NRG2: variants seen among roughly 807,000 people sequenced by gnomAD.
NRG2 encodes the protein neuregulin 2.
Under a neutral mutation model 73.9 loss-of-function variants are expected in NRG2, and 27 were observed. The ratio of observed to expected loss-of-function variants is 0.37; its 90% CI spans 0.27 to 0.50. The LOEUF (loss-of-function observed/expected upper bound fraction) is 0.50, where lower values mean the gene tolerates loss of function less well. NRG2 is among the 20% of genes least tolerant of loss of function. The probability of loss-of-function intolerance (pLI) is 0.96; values close to 1 mark genes in which losing one functional copy is unlikely to be tolerated. For synonymous variants in NRG2, 532 were observed against 541.0 expected (o/e 0.98, Z 0.23); for missense variants, 1,126 against 1,210.1 (o/e 0.93, Z 1.03).
chr5:140,043,160 C>G lies in NRG2; in HGVS notation c.-91G>C. The G allele has an allele frequency of 2.1e-6, 3 of 1,441,708 alleles. No individual in the cohort carries two copies. Among genetic ancestry groups the G allele is most frequent in the Non-Finnish European group, 2.8e-6 (3 of 1,077,214 alleles). The allele number at this position is 1,441,708 out of a possible 1,614,324, so 89.3% of individuals were successfully genotyped here. A position where few individuals can be genotyped will look rare whatever the true frequency, so the allele number is the denominator to read the frequency against. ...CGCTGGAAAACCGGAAACAGCGTAA[C>G]GTTAGCGCCTCTTAGCCCTCCACCG... On this transcript the variant is annotated 5_prime_UTR_variant, in exon 1 of 10. Transcript: ENST00000361474. The surrounding 1 kb of genome is among the most constrained non-coding windows in gnomAD (Gnocchi z 6.7).
Position 139,871,716 on chromosome 5 carries a change from C to T in NRG2, c.1112+5G>A. On this transcript the variant is annotated splice_donor_5th_base_variant and intron_variant, in intron 4 of 9. Coordinates refer to ENST00000361474, the MANE Select transcript of NRG2 (RefSeq NM_004883.3). ...CTCCCATGCCCACCCCTACTGGTCACTTACTTGCAGGAGAGCTGGTTGATG... is the reference window on the plus strand; with the variant it reads ...CTCCCATGCCCACCCCTACTGGTCATTTACTTGCAGGAGAGCTGGTTGATG... 6.2e-7 allele frequency: 1 copy of T among 1,614,016 alleles called. No homozygotes were observed.
At chr5:139,998,107 T>C (rs1735597979) in intron 1 of NRG2, among the ~76,000 whole-genome samples, 1 of 151,420 alleles carries the variant, frequency 6.6e-6, no homozygotes, top group African/African-American at 2.4e-5. Flanking sequence ...GGGGTGGGAG[T>C]GGAGGTGTGG....
intron 1 of NRG2, among the ~76,000 whole-genome samples, chr5:139,897,603 G>A (rs574816384): frequency 1.3e-5 from 2 of 152,312 alleles, no homozygotes; most frequent in African/African-American, 4.8e-5. Context: ...CACTGGGTAG[G>A]TGTTCACTGA....
chr5:139,867,801 A>AAT (rs1762574930), intron 4 of NRG2, among the ~76,000 whole-genome samples: 1 of 79,458 alleles, frequency 1.3e-5, no homozygotes, highest in Non-Finnish European at 2.6e-5. Flanking sequence ...TGTGTGTATG[A>AAT]GTGTGTGTGT....
In NRG2 at chr5:139,959,320, C is replaced by T. The variant is rs547769785; in HGVS notation, c.701-71809G>A. Reference sequence around the variant, plus strand: ...TCTCAAGCGATTCTCCTGCCTCAGCCTCCCGAGTAGCTGGGACTACAGACA... The same window carrying T: ...TCTCAAGCGATTCTCCTGCCTCAGCTTCCCGAGTAGCTGGGACTACAGACA... On this transcript the variant is annotated intron_variant, in intron 1 of 9. Coordinates refer to ENST00000361474, the MANE Select transcript of NRG2 (RefSeq NM_004883.3). Among the ~76,000 whole-genome samples the T allele has an allele frequency of 1.9e-4, 29 of 152,328 alleles. No individual in the cohort carries two copies. The East Asian group carries it at 2.1e-3, about 11-fold the overall frequency.
At chr5:139,979,003 G>A (rs762016389) in intron 1 of NRG2, among the ~76,000 whole-genome samples, 13 of 148,462 alleles carry the variant, frequency 8.8e-5, no homozygotes, top group South Asian at 6.4e-4. Flanking sequence ...ACCAAACACC[G>A]CGTGTTCTCA....
intron 1 of NRG2, among the ~76,000 whole-genome samples, chr5:139,956,527 C>T (rs1754640211): frequency 1.3e-5 from 2 of 152,140 alleles, no homozygotes; most frequent in Non-Finnish European, 2.9e-5. Context: ...CCAGCGCAGG[C>T]TTCTCGAAGG....
At chr5:139,933,029 C>T (rs1348918587) in intron 1 of NRG2, among the ~76,000 whole-genome samples, 1 of 152,298 alleles carries the variant, frequency 6.6e-6, no homozygotes, top group African/African-American at 2.4e-5. Flanking sequence ...AAGCCCAGCA[C>T]TTTGGGAGGC....
Position 139,847,951 on chromosome 5 carries a change from G to A in NRG2, c.2519C>T (p.Pro840Leu). 8.6e-6 allele frequency: 13 copies of A among 1,505,634 alleles called. No individual in the cohort carries two copies. The highest frequency in any genetic ancestry group is 1.1e-5 in the Non-Finnish European group (13 of 1,132,388). 93.3% of individuals were successfully genotyped at this position (1,505,634 alleles called of 1,614,324 possible). ...CGCCGAGTCCTGCTTGGCCCGCGGG[G>A]GCGGCCCGCGGCTGTGTCTGCTGCT... ...RASSRHSRGP[P>L]PRAKQDSAPL The change falls in exon 10 of 10, where the codon CCC becomes CTC. Residue 840 changes from proline to leucine, a missense_variant. Physicochemically the swap from Pro to Leu is moderately conservative, Grantham distance 98. Transcript: ENST00000361474.
chr5:139,924,101 A>T (rs1751873451), intron 1 of NRG2, among the ~76,000 whole-genome samples: 1 of 152,178 alleles, frequency 6.6e-6, no homozygotes, highest in Non-Finnish European at 1.5e-5. Context: ...AGGATGGATG[A>T]GTAAGGCCTG....
At chr5:139,848,736 G>T in intron 9 of NRG2, 39 bp from the exon 10 acceptor site, 1 of 1,306,468 alleles carries the variant, frequency 7.7e-7, no homozygotes, top group Non-Finnish European at 9.8e-7. Flanking sequence ...GGGCCAGGCC[G>T]GGCCGGCGCG....
At chr5:139,906,634 C>T (rs765743403) in intron 1 of NRG2, among the ~76,000 whole-genome samples, 42 of 152,172 alleles carry the variant, frequency 2.8e-4, no homozygotes, top group Admixed American at 8.5e-4. Context: ...GCTGGAGATA[C>T]GGCAGTGAGC....
At chr5:139,912,630 C>G in intron 1 of NRG2, among the ~76,000 whole-genome samples, 1 of 152,152 alleles carries the variant, frequency 6.6e-6, no homozygotes, top group East Asian at 1.9e-4. Context: ...CCAGCACTAA[C>G]CACAAAGCAA....
At chr5:140,024,897 A>G (rs1460032315) in intron 1 of NRG2, among the ~76,000 whole-genome samples, 2 of 152,204 alleles carry the variant, frequency 1.3e-5, no homozygotes, top group African/African-American at 4.8e-5. Context: ...TGCAGTCTCT[A>G]TATTTTGAGG....
rs368126033 is a variant in NRG2 at position 139,855,774 on chromosome 5, G to C, written c.1194C>G (p.Ala398=). The C allele has an allele frequency of 1.2e-6, 2 of 1,612,966 alleles. No individual in the cohort carries two copies. The highest frequency in any genetic ancestry group is 3.3e-5 in the Admixed American group (2 of 60,022). Residue 398 remains alanine, a synonymous_variant, in exon 6 of 10, where the codon GCC becomes GCG. Transcript: ENST00000361474. ...RLYMPDPKQK[A]EELYQKRVLT... ...GGACCCTCTTCTGGTACAGCTCCTC[G>C]GCTTCTGCAGAGGTAGGGTAGATGT...
chr5:139,879,700 G>T (rs991530017), intron 3 of NRG2, among the ~76,000 whole-genome samples: 1 of 152,214 alleles, frequency 6.6e-6, no homozygotes, highest in African/African-American at 2.4e-5. Context: ...CTGCTGCTCT[G>T]GTTCAGGTGA....
At chr5:139,882,694 C>T (rs1763599627) in intron 2 of NRG2, among the ~76,000 whole-genome samples, 1 of 152,090 alleles carries the variant, frequency 6.6e-6, no homozygotes, top group Non-Finnish European at 1.5e-5. Context: ...AGGGGGATCG[C>T]CTGAGGGTCC....
rs1347846108 is a variant in NRG2 at position 139,848,127 on chromosome 5, C to G, written c.2343G>C (p.Ala781=). ...GGSASASDDD[A]DDADGALAAE... ...CCGCCAGCGCCCCGTCCGCGTCGTC[C>G]GCGTCGTCGTCCGACGCCGAGGCTG... Residue 781 remains alanine, a synonymous_variant, in exon 10 of 10, where the codon GCG becomes GCC. Coordinates refer to ENST00000361474, the MANE Select transcript of NRG2 (RefSeq NM_004883.3). The G allele has an allele frequency of 6.8e-7, 1 of 1,471,058 alleles. No individual in the cohort carries two copies. The highest frequency in any genetic ancestry group is 2.5e-5 in the Admixed American group (1 of 40,704). The allele number at this position is 1,471,058 out of a possible 1,614,324, so 91.1% of individuals were successfully genotyped here.
At chr5:139,955,664 T>C (rs1754567494) in intron 1 of NRG2, among the ~76,000 whole-genome samples, 1 of 152,132 alleles carries the variant, frequency 6.6e-6, no homozygotes, top group Admixed American at 6.5e-5. Flanking sequence ...CCACGTCTCT[T>C]TTATCAGTGA....
Sources: gnomAD v4.1 joint callset for allele counts (sites outside exome capture counted in the v4.1 genomes callset) on GRCh38, gnomAD v4.1.1 for gene constraint, Gnocchi (gnomAD v3.1) non-coding constraint, MANE v1.5 for transcripts, NCBI Gene and HGNC (gene_info 2026-07-23, HGNC 2026-07-21) for gene names.